Variants in GNAO1 observed in about 807,000 individuals in gnomAD.
The protein encoded by GNAO1 is guanine nucleotide-binding protein G(o) subunit alpha.
For missense variants in GNAO1, 166 were observed against 478.7 expected, an observed-to-expected ratio of 0.35 and a Z score of 6.10; for synonymous variants, 164 against 180.7, an observed-to-expected ratio of 0.91 and a Z score of 0.74.
rs2037890322 is a variant in GNAO1 at position 56,348,127 on chromosome 16, T to C, written c.724-3257T>C. 5.2e-6 allele frequency: 5 copies of C among 964,334 alleles called. No individual in the cohort carries two copies. The African/African-American group carries it at 7.0e-5, about 14-fold the overall frequency. The allele number at this position is 964,334 out of a possible 1,614,324, so 59.7% of individuals were successfully genotyped here. ...TGTTGGTTTAATAAATCTCTAGTTATTGTAATAATTTATTGGCTGCCATAA... is the reference window on the plus strand; with the variant it reads ...TGTTGGTTTAATAAATCTCTAGTTACTGTAATAATTTATTGGCTGCCATAA... On this transcript the variant is annotated intron_variant, in intron 6 of 8. Transcript: ENST00000262493.
At chr16:56,355,150 AC>A in intron 8 of GNAO1, 69 bp downstream of exon 8, 2 of 594,846 alleles carry the variant, frequency 3.4e-6, no homozygotes, top group Non-Finnish European at 5.8e-6. Context: ...ACACACACAC[AC>A]ACACCACTAA....
At chr16:56,286,148 A>C (rs1256560303) in intron 3 of GNAO1, among the ~76,000 whole-genome samples, 2 of 152,100 alleles carry the variant, frequency 1.3e-5, no homozygotes, top group Admixed American at 6.6e-5. Flanking sequence ...TGTGAGATGG[A>C]GATGGCTTCC....
At chr16:56,334,636 A>G in intron 4 of GNAO1, 93 bp from the exon 5 acceptor site, 2 of 1,368,752 alleles carry the variant, frequency 1.5e-6, no homozygotes, top group Non-Finnish European at 2.0e-6. Context: ...AGGGGCCCTG[A>G]CCGAGACTGG....
chr16:56,227,356 G>T (rs2036541272), intron 2 of GNAO1, among the ~76,000 whole-genome samples: 1 of 152,126 alleles, frequency 6.6e-6, no homozygotes, highest in Non-Finnish European at 1.5e-5. Flanking sequence ...GGCCTCTGCA[G>T]GCAGGCTCTT....
At chr16:56,235,374 A>T (rs1210292275) in intron 2 of GNAO1, 1 of 455,912 alleles carries the variant, frequency 2.2e-6, no homozygotes, top group African/African-American at 2.0e-5. Flanking sequence ...TCCTGCAGGG[A>T]CTACAAGGAG....
intron 2 of GNAO1, among the ~76,000 whole-genome samples, chr16:56,261,708 C>CT: frequency 6.6e-6 from 1 of 152,224 alleles, no homozygotes; most frequent in South Asian, 2.1e-4. Flanking sequence ...GTATGGCTTG[C>CT]TTGGCTCAGC....
chr16:56,350,908 C>G (rs1259170296), intron 6 of GNAO1, among the ~76,000 whole-genome samples: 1 of 152,214 alleles, frequency 6.6e-6, no homozygotes, highest in African/African-American at 2.4e-5. Context: ...CACACAGGCA[C>G]ACACACAGGC....
chr16:56,319,320 G>C (rs1351658818), intron 3 of GNAO1, among the ~76,000 whole-genome samples: 3 of 152,194 alleles, frequency 2.0e-5, no homozygotes, highest in African/African-American at 7.2e-5. Flanking sequence ...CCCCTGGGGT[G>C]TGGCACAGGA....
intron 6 of GNAO1, chr16:56,345,103 G>T: frequency 1.0e-6 from 1 of 985,580 alleles, no homozygotes; most frequent in South Asian, 4.7e-5. Context: ...CTTAGAGGAG[G>T]CTTCACTGCG....
chr16:56,237,251 T>C (rs1303255720), intron 2 of GNAO1, among the ~76,000 whole-genome samples: 1 of 152,202 alleles, frequency 6.6e-6, no homozygotes, highest in Non-Finnish European at 1.5e-5. Flanking sequence ...CATTAGCTGG[T>C]GGGGTTTATG....
intron 2 of GNAO1, chr16:56,194,238 C>A: frequency 2.2e-6 from 1 of 456,598 alleles, no homozygotes; most frequent in Non-Finnish European, 4.4e-6. Context: ...TAGCTTGGGG[C>A]TTCTCTTGAG....
chr16:56,333,687 G>C (rs1159736596), intron 4 of GNAO1, among the ~76,000 whole-genome samples: 1 of 152,268 alleles, frequency 6.6e-6, no homozygotes, highest in African/African-American at 2.4e-5. Flanking sequence ...TCCATGAGCT[G>C]GTCAGCATGC....
chr16:56,256,714 CTCTCTGTGTG>C (rs1356496412), intron 2 of GNAO1, among the ~76,000 whole-genome samples: 15 of 123,488 alleles, frequency 1.2e-4, no homozygotes, highest in South Asian at 8.2e-4. Context: ...CTCTCTCTCT[CTCTCTGTGTG>C]TGTGTGTGTG....
chr16:56,271,961 A>C (rs2037022034), intron 2 of GNAO1, among the ~76,000 whole-genome samples: 1 of 152,168 alleles, frequency 6.6e-6, no homozygotes, highest in African/African-American at 2.4e-5. Flanking sequence ...ATAGAAAATA[A>C]AGAGGGTCTT....
Position 56,268,830 on chromosome 16 carries a change from A to G in GNAO1, c.162-7101A>G, listed in dbSNP as rs946570002. On this transcript the variant is annotated intron_variant, in intron 2 of 8. Coordinates refer to ENST00000262493, the MANE Select transcript of GNAO1 (RefSeq NM_020988.3). ...GCATTTTCACTTTACCGTCCTGTCC[A>G]GATCCTGGTCTCGTAGGTTCTGTGG... is the stretch of plus-strand genomic sequence containing the variant. 4.0e-4 allele frequency among the ~76,000 whole-genome samples: 61 copies of G among 152,178 alleles called. 1 individual carries two copies. The highest frequency in any genetic ancestry group is 3.9e-3 in the Admixed American group (59 of 15,280).
chr16:56,290,267 C>T (rs1168827369), intron 3 of GNAO1, among the ~76,000 whole-genome samples: 4 of 152,186 alleles, frequency 2.6e-5, no homozygotes, highest in Non-Finnish European at 5.9e-5. Flanking sequence ...GTGTGCTCAC[C>T]TGAGTATTTG....
intron 3 of GNAO1, among the ~76,000 whole-genome samples, chr16:56,281,097 G>T (rs2143534124): frequency 6.6e-6 from 1 of 152,288 alleles, no homozygotes; most frequent in South Asian, 2.1e-4. Flanking sequence ...AATGAGGCAT[G>T]GAGAGGCTAA....
Position 56,354,546 on chromosome 16 carries a change from C to T in GNAO1, c.878-320C>T, listed in dbSNP as rs138447845. On this transcript the variant is annotated intron_variant, in intron 7 of 8. Coordinates refer to ENST00000262493, the MANE Select transcript of GNAO1 (RefSeq NM_020988.3). The surrounding 1 kb of genome is among the most constrained non-coding windows in gnomAD (Gnocchi z 4.3). Reference sequence around the variant, plus strand: ...CAAAAATTAGCTGGGCGTGGTGGCACGCGCCTGTATTACCAGCTACTCAGG... The same window carrying T: ...CAAAAATTAGCTGGGCGTGGTGGCATGCGCCTGTATTACCAGCTACTCAGG... 1.1e-3 allele frequency among the ~76,000 whole-genome samples: 168 copies of T among 152,212 alleles called. No homozygotes were observed. Among genetic ancestry groups the T allele is most frequent in the Middle Eastern group, 6.8e-3 (2 of 294 alleles).
intron 3 of GNAO1, among the ~76,000 whole-genome samples, chr16:56,294,708 T>G (rs2037266877): frequency 6.6e-6 from 1 of 152,176 alleles, no homozygotes; most frequent in Non-Finnish European, 1.5e-5. Context: ...CCCCAAGTGG[T>G]AGTACTGTTG....
Sources: allele counts gnomAD v4.1 joint callset (sites outside exome capture counted in the v4.1 genomes callset), GRCh38; gene constraint gnomAD v4.1.1; non-coding constraint Gnocchi (gnomAD v3.1); transcripts MANE v1.5; gene names NCBI Gene and HGNC (gene_info 2026-07-23, HGNC 2026-07-21).